Variants in ELL2 observed in about 807,000 individuals in gnomAD.
ELL2 encodes elongation factor for RNA polymerase II 2.
A neutral mutation model predicts 72.8 loss-of-function variants in ELL2; 21 were observed. The ratio of observed to expected loss-of-function variants is 0.29; its 90% CI spans 0.20 to 0.42. The LOEUF (loss-of-function observed/expected upper bound fraction) is 0.42. Ranked by LOEUF, ELL2 falls within the 10% of genes least tolerant of loss-of-function variation. The pLI, the probability that ELL2 is intolerant of heterozygous loss-of-function variation, is 1.00. For missense variants in ELL2, 568 were observed against 772.8 expected, an observed-to-expected ratio of 0.73 and a Z score of 3.14; for synonymous variants, 266 against 283.2, an observed-to-expected ratio of 0.94 and a Z score of 0.61.
chr5:95,904,478 T>G (rs1749270781), intron 5 of ELL2, among the ~76,000 whole-genome samples: 1 of 152,252 alleles, frequency 6.6e-6, no homozygotes, highest in African/African-American at 2.4e-5. Context: ...TCCTGGTGGA[T>G]GTTAAGCACT....
At chr5:95,929,442 A>G (rs1292135942) in intron 2 of ELL2, among the ~76,000 whole-genome samples, 1 of 152,002 alleles carries the variant, frequency 6.6e-6, no homozygotes, top group African/African-American at 2.4e-5. Context: ...TATTTTTAGT[A>G]GAGACATGGT....
chr5:95,906,813 C>T (rs770434380), intron 4 of ELL2, 31 bp from the exon 5 acceptor site: 2 of 1,574,650 alleles, frequency 1.3e-6, no homozygotes, highest in South Asian at 1.2e-5. Context: ...CATTGTTACA[C>T]ATTTGTGGGT....
intron 3 of ELL2, among the ~76,000 whole-genome samples, chr5:95,914,718 GCCTGAAGTT>G (rs1368271126): frequency 6.6e-6 from 1 of 151,996 alleles, no homozygotes; most frequent in Non-Finnish European, 1.5e-5. Context: ...GGTGGCGTGT[GCCTGAAGTT>G]CCAGCTAGTC....
chr5:95,896,843 T>G (rs1396732218), intron 8 of ELL2, among the ~76,000 whole-genome samples: 1 of 152,224 alleles, frequency 6.6e-6, no homozygotes, highest in Admixed American at 6.5e-5. Context: ...CTTGGAACTC[T>G]GATGTAGATC....
At chr5:95,946,710 C>T (rs924199665) in intron 1 of ELL2, among the ~76,000 whole-genome samples, 1 of 152,208 alleles carries the variant, frequency 6.6e-6, no homozygotes, top group Non-Finnish European at 1.5e-5. Flanking sequence ...TTTGCAAAGA[C>T]TTTCCTCTCT....
intron 3 of ELL2, 100 bp downstream of exon 3, chr5:95,919,324 C>T: frequency 2.9e-6 from 4 of 1,379,426 alleles, no homozygotes; most frequent in Non-Finnish European, 2.9e-6. Context: ...CAATTTAATA[C>T]ACGTTTATGG....
intron 4 of ELL2, among the ~76,000 whole-genome samples, chr5:95,910,406 G>A (rs1749542834): frequency 6.6e-6 from 1 of 151,738 alleles, no homozygotes; most frequent in Non-Finnish European, 1.5e-5. Context: ...AGAAGTCAGT[G>A]AGCAGACTTA....
chr5:95,951,256 C>G (rs1400043374), intron 1 of ELL2, among the ~76,000 whole-genome samples: 5 of 151,882 alleles, frequency 3.3e-5, no homozygotes, highest in Non-Finnish European at 5.9e-5. Context: ...GTAGCCCCAG[C>G]TACTTGGGAG....
At position 95,943,063 on chromosome 5, in the gene ELL2, CAAAAG is replaced by C; in HGVS notation, c.148-19_148-15del. The C allele has an allele frequency of 1.9e-6, 3 of 1,594,668 alleles. No homozygotes were observed. Among genetic ancestry groups the C allele is most frequent in the Non-Finnish European group, 2.6e-6 (3 of 1,169,878 alleles). On this transcript the variant is annotated splice_polypyrimidine_tract_variant and intron_variant, in intron 1 of 11. Coordinates refer to ENST00000237853, the MANE Select transcript of ELL2 (RefSeq NM_012081.6). Reference sequence around the variant, plus strand: ...AGGAATTAAATTCTATTAAAAGAAACAAAAGAAACAAACAGGTAAACCTTGGTTAC... The same window carrying C: ...AGGAATTAAATTCTATTAAAAGAAACAAACAAACAGGTAAACCTTGGTTAC...
At chr5:95,937,481 G>A (rs1303484943) in intron 2 of ELL2, among the ~76,000 whole-genome samples, 1 of 149,950 alleles carries the variant, frequency 6.7e-6, no homozygotes. Context: ...TCTAGCCTGG[G>A]CGACAGAGCA....
At chr5:95,913,719 T>C in intron 4 of ELL2, 52 bp downstream of exon 4, 1 of 1,485,924 alleles carries the variant, frequency 6.7e-7, no homozygotes, top group Non-Finnish European at 8.9e-7. Context: ...CCTATGGTGA[T>C]CTTGAATTAC....
chr5:95,906,031 A>G (rs547648021), intron 5 of ELL2, among the ~76,000 whole-genome samples: 1 of 152,318 alleles, frequency 6.6e-6, no homozygotes, highest in African/African-American at 2.4e-5. Context: ...ATGCAGACAA[A>G]TGACTGATCT....
At chr5:95,955,422 T>C (rs1279480197) in intron 1 of ELL2, among the ~76,000 whole-genome samples, 1 of 152,206 alleles carries the variant, frequency 6.6e-6, no homozygotes, top group Non-Finnish European at 1.5e-5. Flanking sequence ...TGGTCTTTGC[T>C]GGCAAAGTAT....
intron 1 of ELL2, among the ~76,000 whole-genome samples, chr5:95,961,244 T>G (rs1211165362): frequency 6.6e-6 from 1 of 151,974 alleles, no homozygotes; most frequent in Non-Finnish European, 1.5e-5. Flanking sequence ...ACTTCTCTTA[T>G]CGGGGCCTCT....
At chr5:95,928,336 A>T (rs1228311610) in intron 2 of ELL2, among the ~76,000 whole-genome samples, 2 of 152,216 alleles carry the variant, frequency 1.3e-5, no homozygotes, top group African/African-American at 4.8e-5. Context: ...CTTTGGTGGC[A>T]AAAACTAAAA....
At chr5:95,925,287 G>A (rs1012763065) in intron 2 of ELL2, among the ~76,000 whole-genome samples, 9 of 152,154 alleles carry the variant, frequency 5.9e-5, no homozygotes, top group African/African-American at 2.2e-4. Flanking sequence ...TCATATAGCT[G>A]AGCGGGCCAA....
intron 2 of ELL2, among the ~76,000 whole-genome samples, chr5:95,928,320 GTTC>G (rs1410697608): frequency 2.6e-5 from 4 of 152,130 alleles, no homozygotes; most frequent in Non-Finnish European, 5.9e-5. Context: ...TAAGCCACAA[GTTC>G]TTCTTTGGTG....
rs74509775 is a variant in ELL2 at position 95,897,686 on chromosome 5, G to A, written c.1525+554C>T. ...CCCTAAACCTTAAGATCTATTAAGC[G>A]AACGCTAGCCAACAGTCTTGCAAAA... On this transcript the variant is annotated intron_variant, in intron 8 of 11. Transcript: ENST00000237853. Among the ~76,000 whole-genome samples, 1,066 of 152,270 alleles carry A rather than the reference G, an allele frequency of 7.0e-3. 11 individuals are homozygous for A. The highest frequency in any genetic ancestry group is 0.025 in the African/African-American group (1,029 of 41,558).
intron 1 of ELL2, among the ~76,000 whole-genome samples, chr5:95,946,488 T>A (rs1490853227): frequency 2.0e-5 from 3 of 152,170 alleles, no homozygotes; most frequent in Non-Finnish European, 4.4e-5. Flanking sequence ...CTTTTTCCCT[T>A]CCTTGAAGTC....
Sources: gnomAD v4.1 joint callset for allele counts (sites outside exome capture counted in the v4.1 genomes callset) on GRCh38, gnomAD v4.1.1 for gene constraint, MANE v1.5 for transcripts, NCBI Gene and HGNC (gene_info 2026-07-23, HGNC 2026-07-21) for gene names.